MAP2: variants seen among roughly 807,000 people sequenced by gnomAD.
MAP2 encodes the protein microtubule associated protein 2.
A neutral mutation model predicts 137.6 loss-of-function variants in MAP2; 14 were observed. The observed-to-expected ratio is 0.10, with a 90% CI of 0.07 to 0.16. MAP2 has a LOEUF of 0.16. Among genes scored for constraint, MAP2 ranks in the 10% least tolerant of loss-of-function variants. The probability of loss-of-function intolerance (pLI) is 1.00; values close to 1 mark genes in which losing one functional copy is unlikely to be tolerated. For synonymous variants in MAP2, 786 were observed against 782.3 expected (o/e 1.00, Z -0.08); for missense variants, 2,088 against 2,191.5 (o/e 0.95, Z 0.94).
intron 4 of MAP2, among the ~76,000 whole-genome samples, chr2:209,626,502 T>G (rs1199782298): frequency 6.6e-6 from 1 of 152,142 alleles, no homozygotes; most frequent in Non-Finnish European, 1.5e-5. Context: ...AAATCTTGTC[T>G]AAAAAAATAA....
intron 2 of MAP2, among the ~76,000 whole-genome samples, chr2:209,565,038 C>T (rs1279211531): frequency 2.0e-5 from 3 of 152,138 alleles, no homozygotes; most frequent in African/African-American, 7.2e-5. Flanking sequence ...AAATACCGAG[C>T]TCAAGCACTA....
At chr2:209,587,447 G>T (rs895814065) in intron 3 of MAP2, among the ~76,000 whole-genome samples, 3 of 152,214 alleles carry the variant, frequency 2.0e-5, no homozygotes, top group East Asian at 1.9e-4. Flanking sequence ...CCCTCTGAGG[G>T]ATTTGTCAGA....
At chr2:209,630,977 A>G (rs1376579629) in intron 4 of MAP2, among the ~76,000 whole-genome samples, 2 of 142,918 alleles carry the variant, frequency 1.4e-5, no homozygotes, top group African/African-American at 2.6e-5. Context: ...AGAAAGTAGC[A>G]TTTTTCAAGA....
chr2:209,482,330 T>C (rs2057821826), intron 1 of MAP2, among the ~76,000 whole-genome samples: 2 of 152,222 alleles, frequency 1.3e-5, no homozygotes, highest in Admixed American at 1.3e-4. Flanking sequence ...ACTGTGCTGA[T>C]TTAAAAAAAA....
At chr2:209,549,411 G>A (rs1467789075) in intron 2 of MAP2, among the ~76,000 whole-genome samples, 1 of 152,034 alleles carries the variant, frequency 6.6e-6, no homozygotes, top group Non-Finnish European at 1.5e-5. Flanking sequence ...CTACCAAACT[G>A]TACTCCCTCC....
At chr2:209,456,378 G>T (rs1701542569) in intron 1 of MAP2, among the ~76,000 whole-genome samples, 1 of 152,172 alleles carries the variant, frequency 6.6e-6, no homozygotes. Flanking sequence ...GAAGGAGCCA[G>T]TTTAAGGTAA....
intron 1 of MAP2, among the ~76,000 whole-genome samples, chr2:209,472,135 G>T (rs181352552): frequency 1.3e-4 from 20 of 152,034 alleles, no homozygotes; most frequent in African/African-American, 4.8e-4. Context: ...GATGCTATGG[G>T]ATACATAAAA....
At chr2:209,477,720 G>T (rs534785021) in intron 1 of MAP2, among the ~76,000 whole-genome samples, 1 of 152,058 alleles carries the variant, frequency 6.6e-6, no homozygotes, top group South Asian at 2.1e-4. Flanking sequence ...CTAAAGGTTG[G>T]GTATGGTGGC....
chr2:209,621,665 T>C (rs1265215553), intron 3 of MAP2, among the ~76,000 whole-genome samples: 1 of 152,150 alleles, frequency 6.6e-6, no homozygotes, highest in African/African-American at 2.4e-5. Flanking sequence ...GGCTCAACAA[T>C]CCAGGGAAGA....
chr2:209,473,470 A>T (rs1169289712), intron 1 of MAP2, among the ~76,000 whole-genome samples: 1 of 152,136 alleles, frequency 6.6e-6, no homozygotes, highest in African/African-American at 2.4e-5. Context: ...AGGTAGAAGG[A>T]GGTATAGTAC....
chr2:209,694,723 T>C lies in MAP2; in HGVS notation c.2553T>C (p.Thr851=). Reference sequence around the variant, plus strand: ...GTCGTACTGGCTTGCCCCCGGTAACTGATGAAAACCATGTCATTGTAAAAA... The same window carrying C: ...GTCGTACTGGCTTGCCCCCGGTAACCGATGAAAACCATGTCATTGTAAAAA... ...EDSRTGLPPV[T]DENHVIVKTD... The change falls in exon 8 of 16, where the codon ACT becomes ACC. Residue 851 remains threonine (T), a synonymous_variant. Transcript: ENST00000682079. The C allele has an allele frequency of 6.2e-7, 1 of 1,614,144 alleles. No individual in the cohort carries two copies. The highest frequency in any genetic ancestry group is 8.5e-7 in the Non-Finnish European group (1 of 1,180,028).
intron 2 of MAP2, among the ~76,000 whole-genome samples, chr2:209,539,548 C>T (rs1385310001): frequency 6.6e-6 from 1 of 152,122 alleles, no homozygotes; most frequent in Non-Finnish European, 1.5e-5. Context: ...GAGTATGTTC[C>T]TAAATGACTA....
chr2:209,563,773 T>G (rs1009104609), intron 2 of MAP2, among the ~76,000 whole-genome samples: 9 of 152,242 alleles, frequency 5.9e-5, no homozygotes, highest in Non-Finnish European at 7.3e-5. Context: ...GCTGAAGTAA[T>G]GTACTTTCAT....
intron 2 of MAP2, among the ~76,000 whole-genome samples, chr2:209,514,851 A>G (rs961033234): frequency 1.3e-5 from 2 of 152,120 alleles, no homozygotes; most frequent in East Asian, 1.9e-4. Flanking sequence ...ATGACATACA[A>G]TACACACATG....
chr2:209,626,575 T>C (rs1365930498), intron 4 of MAP2, among the ~76,000 whole-genome samples: 1 of 152,226 alleles, frequency 6.6e-6, no homozygotes, highest in Non-Finnish European at 1.5e-5. Flanking sequence ...TCCAGAGATG[T>C]CAAAACCCTA....
chr2:209,556,469 G>C (rs1022699099), intron 2 of MAP2, among the ~76,000 whole-genome samples: 1 of 152,108 alleles, frequency 6.6e-6, no homozygotes, highest in Non-Finnish European at 1.5e-5. Flanking sequence ...ACTAGGATCT[G>C]CATCCTAAAT....
chr2:209,527,764 A>G (rs2064297004), intron 2 of MAP2, among the ~76,000 whole-genome samples: 1 of 152,148 alleles, frequency 6.6e-6, no homozygotes, highest in Non-Finnish European at 1.5e-5. Flanking sequence ...CTTGTTAGAA[A>G]TGTAAATCTT....
intron 1 of MAP2, among the ~76,000 whole-genome samples, chr2:209,488,456 A>G (rs1485230490): frequency 1.3e-5 from 2 of 152,148 alleles, no homozygotes; most frequent in African/African-American, 4.8e-5. Flanking sequence ...TCCCCTGGAA[A>G]GGGGGGCTGA....
In MAP2 at chr2:209,695,151, T is replaced by C; in HGVS notation, c.2981T>C (p.Val994Ala). 2 of 1,613,692 alleles carry C rather than the reference T, an allele frequency of 1.2e-6. No individual in the cohort carries two copies. Among genetic ancestry groups the C allele is most frequent in the Non-Finnish European group, 1.7e-6 (2 of 1,179,912 alleles). Residue 994 changes from valine (V) to alanine (A), a missense_variant, in exon 8 of 16, where the codon GTA (valine) becomes GCA (alanine). Around this residue, in one of 6 missense-constraint regions of MAP2, gnomAD observed 500 missense variants for 482.9 expected, o/e 1.04. Transcript: ENST00000682079. ...GAAATAGAAACATTCGGATTAGGAG[T>C]AACCTATGAGCAAGCTTTGGCCAAA... ...GDEIETFGLGVTYEQALAKDL... is the reference protein window; with the variant it reads ...GDEIETFGLGATYEQALAKDL...
Sources: allele counts gnomAD v4.1 joint callset (sites outside exome capture counted in the v4.1 genomes callset), GRCh38; gene constraint gnomAD v4.1.1; regional missense constraint gnomAD v4.1.1; transcripts MANE v1.5; gene names NCBI Gene and HGNC (gene_info 2026-07-23, HGNC 2026-07-21).